The following CHST9 variants were observed in gnomAD, a reference collection of about 807,000 sequenced individuals.
CHST9 encodes the protein GalNAc-4-sulfotransferase 2.
In CHST9, 41 loss-of-function variants were observed where a neutral mutation model predicts 44.4. The ratio of observed to expected loss-of-function variants is 0.92; its 90% CI spans 0.72 to 1.20. The LOEUF is 1.20. CHST9 is among the 50% of genes most tolerant of loss of function. The pLI is 0.00. For synonymous variants in CHST9, 171 were observed against 178.4 expected (o/e 0.96, Z 0.33); for missense variants, 504 against 516.5 (o/e 0.98, Z 0.23).
At chr18:27,011,409 G>T (rs182814805) in intron 4 of CHST9, among the ~76,000 whole-genome samples, 2 of 152,054 alleles carry the variant, frequency 1.3e-5, no homozygotes, top group African/African-American at 4.8e-5. Context: ...AAGGGATGCC[G>T]CCCAGGCAGA....
At chr18:27,116,227 T>C (rs544048623) in intron 2 of CHST9, among the ~76,000 whole-genome samples, 3 of 152,214 alleles carry the variant, frequency 2.0e-5, no homozygotes, top group African/African-American at 7.2e-5. Flanking sequence ...TTTATGATTA[T>C]GTTTTCTCCT....
chr18:26,948,833 C>G (rs1326879080), intron 4 of CHST9, among the ~76,000 whole-genome samples: 7 of 152,076 alleles, frequency 4.6e-5, no homozygotes, highest in African/African-American at 1.7e-4. Flanking sequence ...GGAGTTGGGG[C>G]AGGACAAGTA....
chr18:26,962,162 C>T (rs891399950), intron 4 of CHST9, among the ~76,000 whole-genome samples: 1 of 152,140 alleles, frequency 6.6e-6, no homozygotes, highest in Non-Finnish European at 1.5e-5. Flanking sequence ...CTTTCTAGTT[C>T]CCATAACTGT....
intron 4 of CHST9, among the ~76,000 whole-genome samples, chr18:26,990,592 T>C (rs2056805014): frequency 6.6e-6 from 1 of 152,218 alleles, no homozygotes; most frequent in African/African-American, 2.4e-5. Context: ...CTTAGCATTT[T>C]ATGTTTCATG....
intron 2 of CHST9, among the ~76,000 whole-genome samples, chr18:27,070,847 C>T (rs1024966868): frequency 4.6e-5 from 7 of 152,210 alleles, no homozygotes; most frequent in Non-Finnish European, 8.8e-5. Context: ...GCTAAATTTT[C>T]CAAGTTTGCT....
chr18:27,054,944 C>G (rs532817822), intron 2 of CHST9, among the ~76,000 whole-genome samples: 3 of 152,214 alleles, frequency 2.0e-5, no homozygotes, highest in African/African-American at 7.2e-5. Flanking sequence ...AGTCTCCTCT[C>G]TAAAATATGT....
chr18:27,161,270 A>C (rs2058744554), intron 1 of CHST9, among the ~76,000 whole-genome samples: 1 of 152,148 alleles, frequency 6.6e-6, no homozygotes, highest in South Asian at 2.1e-4. Flanking sequence ...TTCCCTGTAC[A>C]CACTGCTTTA....
In CHST9 at chr18:27,078,874, C is replaced by T. The variant is rs116331953; in HGVS notation, c.122-30371G>A. ...GCCATAAATATTGATTTTGGGGTTA[C>T]ATATAAGGTTTTGTGAGTAGGTGAA... On this transcript the variant is annotated intron_variant, in intron 2 of 5. Coordinates refer to ENST00000618847, the MANE Select transcript of CHST9 (RefSeq NM_031422.6). Among the ~76,000 whole-genome samples the T allele has an allele frequency of 4.8e-3, 738 of 152,284 alleles. 5 individuals carry two copies. Among genetic ancestry groups the T allele is most frequent in the African/African-American group, 0.017 (717 of 41,540 alleles).
chr18:27,129,012 G>A (rs2058449315), intron 2 of CHST9, among the ~76,000 whole-genome samples: 1 of 152,166 alleles, frequency 6.6e-6, no homozygotes, highest in Non-Finnish European at 1.5e-5. Context: ...AGGGAAGGAG[G>A]CAGGCACAAT....
chr18:27,075,298 G>T (rs1022412137), intron 2 of CHST9, among the ~76,000 whole-genome samples: 1 of 151,564 alleles, frequency 6.6e-6, no homozygotes, highest in Non-Finnish European at 1.5e-5. Context: ...AATTTCCACT[G>T]CTTAAGAAAG....
intron 2 of CHST9, among the ~76,000 whole-genome samples, chr18:27,065,119 T>C (rs2057766590): frequency 1.3e-5 from 2 of 152,190 alleles, no homozygotes; most frequent in Non-Finnish European, 2.9e-5. Context: ...TGTCATGTAA[T>C]GGAATTAAAA....
chr18:27,180,448 G>C (rs530554799), intron 1 of CHST9, among the ~76,000 whole-genome samples: 1 of 152,224 alleles, frequency 6.6e-6, no homozygotes, highest in African/African-American at 2.4e-5. Context: ...AGAGGGTCAA[G>C]GATCACAGTC....
intron 5 of CHST9, among the ~76,000 whole-genome samples, chr18:26,927,843 A>G (rs232333): frequency 0.43 from 64,920 of 151,616 alleles, 14,356 homozygotes; most frequent in East Asian, 0.71. Context: ...CTGGGGGACG[A>G]TCAGGTCTTT....
intron 1 of CHST9, among the ~76,000 whole-genome samples, chr18:27,163,900 G>A (rs2058769152): frequency 6.6e-6 from 1 of 152,160 alleles, no homozygotes; most frequent in African/African-American, 2.4e-5. Flanking sequence ...CGTCTTCTGT[G>A]TTGCTCATGC....
chr18:27,162,287 C>A (rs1050351796), intron 1 of CHST9, among the ~76,000 whole-genome samples: 9 of 151,962 alleles, frequency 5.9e-5, no homozygotes, highest in African/African-American at 2.2e-4. Context: ...TTCAGGAGCT[C>A]TTTTAGGGCA....
At position 26,970,699 on chromosome 18, in the gene CHST9, A is replaced by G. The variant is rs572228682; in HGVS notation, c.203-26333T>C. Among the ~76,000 whole-genome samples, 29 of 152,274 alleles carry G rather than the reference A, an allele frequency of 1.9e-4. No individual in the cohort carries two copies. The South Asian group carries it at 5.8e-3, about 30-fold the overall frequency. The stretch of plus-strand genomic sequence containing the variant: ...TGTCTCGGCCTCCCAAAGTGCTGGG[A>G]TTATAGGCGTGAGCCAATGCGCCTG... On this transcript the variant is annotated intron_variant, in intron 4 of 5. Transcript: ENST00000618847.
intron 1 of CHST9, among the ~76,000 whole-genome samples, chr18:27,179,194 T>G (rs191227971): frequency 6.6e-6 from 1 of 152,008 alleles, no homozygotes; most frequent in African/African-American, 2.4e-5. Context: ...TTACCCAGCA[T>G]GTACTTCAGT....
At chr18:27,108,288 G>A (rs2058239826) in intron 2 of CHST9, among the ~76,000 whole-genome samples, 1 of 151,936 alleles carries the variant, frequency 6.6e-6, no homozygotes, top group Admixed American at 6.6e-5. Context: ...AAATTCCCTG[G>A]TTTGACTTTT....
intron 2 of CHST9, among the ~76,000 whole-genome samples, chr18:27,098,508 T>C (rs2058139791): frequency 6.6e-6 from 1 of 152,128 alleles, no homozygotes; most frequent in Non-Finnish European, 1.5e-5. Flanking sequence ...CACATGTATG[T>C]TTACTCCGGC....
Sources: allele counts gnomAD v4.1 joint callset (sites outside exome capture counted in the v4.1 genomes callset), GRCh38; gene constraint gnomAD v4.1.1; transcripts MANE v1.5; gene names NCBI Gene and HGNC (gene_info 2026-07-23, HGNC 2026-07-21).